The following EYS variants were observed in gnomAD, a reference collection of about 807,000 sequenced individuals.
EYS encodes the protein protein eyes shut homolog.
A neutral mutation model predicts 282.1 loss-of-function variants in EYS; 250 were observed. The ratio of observed to expected loss-of-function variants is 0.89; its 90% CI spans 0.80 to 0.98. The LOEUF (loss-of-function observed/expected upper bound fraction) is 0.98. Ranked by LOEUF, EYS falls within the 50% of genes least tolerant of loss-of-function variation. EYS has a pLI of 0.00. For synonymous variants in EYS, 1,355 were observed against 1,282.9 expected (o/e 1.06, Z -1.20); for missense variants, 4,016 against 3,709.0 (o/e 1.08, Z -2.15).
At chr6:64,920,874 A>G (rs192239070) in intron 15 of EYS, among the ~76,000 whole-genome samples, 1 of 152,254 alleles carries the variant, frequency 6.6e-6, no homozygotes, top group Admixed American at 6.5e-5. Flanking sequence ...ACAAATTTAT[A>G]AACATTTTAC....
intron 2 of EYS, among the ~76,000 whole-genome samples, chr6:65,517,341 C>A (rs3846799): frequency 0.3 from 44,107 of 144,732 alleles, 6,762 homozygotes; most frequent in African/African-American, 0.4. Flanking sequence ...AAAACAACAA[C>A]AAAAAAAAAA....
At chr6:65,377,410 C>T (rs1024440817) in intron 8 of EYS, among the ~76,000 whole-genome samples, 4 of 152,062 alleles carry the variant, frequency 2.6e-5, no homozygotes, top group African/African-American at 4.8e-5. Context: ...CAGATGCCCA[C>T]ATCAGAAAGC....
chr6:64,605,124 T>C (rs1261675805), intron 24 of EYS, among the ~76,000 whole-genome samples: 1 of 152,016 alleles, frequency 6.6e-6, no homozygotes, highest in East Asian at 1.9e-4. Flanking sequence ...TTTTTCTTAT[T>C]GAAAACATGG....
At chr6:63,762,706 T>G in intron 40 of EYS, 73 bp from the exon 41 acceptor site, 1 of 1,340,602 alleles carries the variant, frequency 7.5e-7, no homozygotes, top group Non-Finnish European at 1.0e-6. Context: ...ATTGCCCTGA[T>G]GCTAACTTGT....
chr6:65,251,184 A>G (rs1335892639), intron 12 of EYS, among the ~76,000 whole-genome samples: 2 of 141,314 alleles, frequency 1.4e-5, no homozygotes, highest in Non-Finnish European at 3.1e-5. Context: ...GGAATATTTA[A>G]TAAATAAAGA....
intron 26 of EYS, among the ~76,000 whole-genome samples, chr6:64,458,682 T>A (rs1015964572): frequency 4.6e-5 from 7 of 151,988 alleles, no homozygotes; most frequent in Non-Finnish European, 8.8e-5. Flanking sequence ...CTGATTTTTT[T>A]AATGGGATAT....
chr6:63,902,540 T>A (rs2149732293), intron 35 of EYS, among the ~76,000 whole-genome samples: 2 of 152,222 alleles, frequency 1.3e-5, no homozygotes, highest in East Asian at 3.9e-4. Context: ...AACATTGTAT[T>A]TTTTGGGTTA....
chr6:64,703,382 GACACACACACACAC>G (rs1165808043), intron 22 of EYS, among the ~76,000 whole-genome samples: 1 of 35,890 alleles, frequency 2.8e-5, no homozygotes, highest in African/African-American at 7.7e-5. Context: ...CACACACACA[GACACACACACACAC>G]ACACACACAC....
intron 28 of EYS, among the ~76,000 whole-genome samples, chr6:64,421,360 C>A (rs1561985467): frequency 6.6e-6 from 1 of 152,064 alleles, no homozygotes. Context: ...CTCCCATGAA[C>A]GTGGGGATTA....
At chr6:65,544,034 G>GTGTGTGTGTGTC (rs1413111938) in intron 2 of EYS, among the ~76,000 whole-genome samples, 1 of 86,970 alleles carries the variant, frequency 1.1e-5, no homozygotes, top group Non-Finnish European at 2.1e-5. Flanking sequence ...GTGTGTGAGA[G>GTGTGTGTGTGTC]AGAGAGAGAC....
chr6:64,472,638 A>G (rs1407645435), intron 26 of EYS, among the ~76,000 whole-genome samples: 1 of 152,132 alleles, frequency 6.6e-6, no homozygotes, highest in African/African-American at 2.4e-5. Flanking sequence ...ATTTAGAAAA[A>G]CGATGTATTA....
At chr6:65,067,107 A>G (rs1225529786) in intron 12 of EYS, among the ~76,000 whole-genome samples, 1 of 152,138 alleles carries the variant, frequency 6.6e-6, no homozygotes, top group African/African-American at 2.4e-5. Context: ...AAACTAAAGA[A>G]AAGAAGAGAA....
At chr6:64,229,155 A>G (rs1766340435) in intron 31 of EYS, among the ~76,000 whole-genome samples, 1 of 152,076 alleles carries the variant, frequency 6.6e-6, no homozygotes, top group Admixed American at 6.6e-5. Context: ...AATGTCTGTA[A>G]TCCCAGCTAC....
intron 5 of EYS, among the ~76,000 whole-genome samples, chr6:65,434,259 G>A: frequency 6.7e-6 from 1 of 148,438 alleles, no homozygotes; most frequent in East Asian, 2.0e-4. Flanking sequence ...TTTGCAGAAG[G>A]AAGAGGCAAT....
At chr6:65,413,597 C>T (rs974007770) in intron 5 of EYS, among the ~76,000 whole-genome samples, 1 of 152,062 alleles carries the variant, frequency 6.6e-6, no homozygotes, top group Admixed American at 6.6e-5. Flanking sequence ...CTGTGGCTCA[C>T]ACCTATAATC....
intron 31 of EYS, among the ~76,000 whole-genome samples, chr6:64,215,277 T>C (rs1264592802): frequency 6.6e-6 from 1 of 152,082 alleles, no homozygotes. Context: ...TTAAATGCTA[T>C]GATAACCATG....
chr6:64,817,652 C>T (rs1764778136), intron 21 of EYS, among the ~76,000 whole-genome samples: 1 of 152,088 alleles, frequency 6.6e-6, no homozygotes, highest in Non-Finnish European at 1.5e-5. Flanking sequence ...CCATGTTTAT[C>T]TCCATAGGTG....
intron 30 of EYS, among the ~76,000 whole-genome samples, chr6:64,237,847 T>C (rs996301541): frequency 1.3e-5 from 2 of 152,166 alleles, no homozygotes; most frequent in Non-Finnish European, 1.5e-5. Flanking sequence ...ATTGTCATTA[T>C]ATTAAAGGAG....
intron 22 of EYS, among the ~76,000 whole-genome samples, chr6:64,751,960 T>C (rs745598417): frequency 2.0e-5 from 3 of 152,020 alleles, no homozygotes; most frequent in Non-Finnish European, 2.9e-5. Flanking sequence ...ACATACATTA[T>C]AATCACATCC....
Sources: allele counts gnomAD v4.1 joint callset (sites outside exome capture counted in the v4.1 genomes callset), GRCh38; gene constraint gnomAD v4.1.1; transcripts MANE v1.5; gene names NCBI Gene and HGNC (gene_info 2026-07-23, HGNC 2026-07-21).